Variants in ZBTB7C observed in about 807,000 individuals in gnomAD.
The protein encoded by ZBTB7C is zinc finger and BTB domain containing 7C.
ZBTB7C carries 8 observed loss-of-function variants against 25.7 expected under a neutral mutation model. That is an observed-to-expected ratio of 0.31 (90% CI 0.18 to 0.56). ZBTB7C has a LOEUF of 0.56. Ranked by LOEUF, ZBTB7C falls within the 20% of genes least tolerant of loss-of-function variation. ZBTB7C has a pLI of 0.91. For synonymous variants in ZBTB7C, 394 were observed against 369.0 expected (o/e 1.07, Z -0.78); for missense variants, 824 against 855.2 (o/e 0.96, Z 0.46).
intron 4 of ZBTB7C, among the ~76,000 whole-genome samples, chr18:48,035,983 G>A (rs747668380): frequency 1.1e-4 from 17 of 152,356 alleles, no homozygotes; most frequent in African/African-American, 3.8e-4. Context: ...GGAGGAAAAC[G>A]GTGTCTTTGA....
At chr18:48,176,944 C>A (rs904851599) in intron 3 of ZBTB7C, among the ~76,000 whole-genome samples, 1 of 152,222 alleles carries the variant, frequency 6.6e-6, no homozygotes, top group African/African-American at 2.4e-5. Flanking sequence ...TGACCTCTCG[C>A]GTCTCTGCTC....
chr18:48,095,718 T>TAAATA (rs74172091), intron 3 of ZBTB7C, among the ~76,000 whole-genome samples: 41,121 of 132,672 alleles, frequency 0.31, 6,008 homozygotes, highest in Admixed American at 0.35. Flanking sequence ...TCTCAAAAAA[T>TAAATA]AAATAAAATA....
At chr18:48,287,036 C>T (rs1429047715) in intron 2 of ZBTB7C, among the ~76,000 whole-genome samples, 1 of 152,030 alleles carries the variant, frequency 6.6e-6, no homozygotes, top group East Asian at 1.9e-4. Flanking sequence ...AAAAACTGAC[C>T]AGAAGATATA....
At chr18:48,393,887 C>T (rs978303422) in intron 1 of ZBTB7C, among the ~76,000 whole-genome samples, 2 of 152,132 alleles carry the variant, frequency 1.3e-5, no homozygotes, top group Non-Finnish European at 2.9e-5. Flanking sequence ...GCCTAATCTT[C>T]AAGGTGCCTT....
chr18:48,140,600 C>T (rs1468903400), intron 3 of ZBTB7C, among the ~76,000 whole-genome samples: 1 of 152,124 alleles, frequency 6.6e-6, no homozygotes, highest in Non-Finnish European at 1.5e-5. Context: ...TCAGTTTATC[C>T]ATCTGAACAA....
chr18:48,141,966 T>C (rs1296601124), intron 3 of ZBTB7C, among the ~76,000 whole-genome samples: 1 of 152,254 alleles, frequency 6.6e-6, no homozygotes, highest in African/African-American at 2.4e-5. Context: ...TAAATGCCAA[T>C]TTGAAATAAT....
At chr18:48,064,820 G>A (rs1484071233) in intron 3 of ZBTB7C, among the ~76,000 whole-genome samples, 1 of 152,178 alleles carries the variant, frequency 6.6e-6, no homozygotes, top group Non-Finnish European at 1.5e-5. Context: ...GGAGGAGTAG[G>A]ATGCAGGCTG....
intron 2 of ZBTB7C, among the ~76,000 whole-genome samples, chr18:48,290,348 G>C (rs1598793148): frequency 6.6e-6 from 1 of 152,224 alleles, no homozygotes; most frequent in African/African-American, 2.4e-5. Context: ...TACTAGAAGG[G>C]CTCCCTTTCA....
chr18:48,137,700 C>T (rs1326632706), intron 3 of ZBTB7C, among the ~76,000 whole-genome samples: 2 of 152,200 alleles, frequency 1.3e-5, no homozygotes, highest in South Asian at 2.1e-4. Context: ...ACTGCAGCTC[C>T]CTCCTCCGTT....
Position 48,218,827 on chromosome 18 carries a change from A to G in ZBTB7C, c.-78-32832T>C, listed in dbSNP as rs1031922159. On this transcript the variant is annotated intron_variant, in intron 2 of 4. Transcript: ENST00000590800. ...ACAGCTCCATCCACCACTAGCCCTCAGGGCTGCCTAGGCAGTAAGAGCCTA... is the reference window on the plus strand; with the variant it reads ...ACAGCTCCATCCACCACTAGCCCTCGGGGCTGCCTAGGCAGTAAGAGCCTA... Among the ~76,000 whole-genome samples the G allele has an allele frequency of 5.3e-5, 8 of 152,130 alleles. No individual in the cohort carries two copies. The East Asian group carries it at 1.4e-3, about 26-fold the overall frequency.
intron 3 of ZBTB7C, among the ~76,000 whole-genome samples, chr18:48,160,726 A>G (rs552757964): frequency 2.2e-4 from 34 of 152,194 alleles, no homozygotes; most frequent in African/African-American, 7.2e-4. Context: ...GCTACCTGAA[A>G]ATGTAAGAAC....
intron 3 of ZBTB7C, among the ~76,000 whole-genome samples, chr18:48,122,369 A>T (rs1191042233): frequency 1.3e-5 from 2 of 152,138 alleles, no homozygotes; most frequent in Non-Finnish European, 2.9e-5. Flanking sequence ...CTCTTTTGTT[A>T]TGAAAATGTA....
chr18:48,404,254 C>CA (rs34941038), intron 1 of ZBTB7C, among the ~76,000 whole-genome samples: 10 of 147,488 alleles, frequency 6.8e-5, no homozygotes, highest in South Asian at 4.3e-4. Flanking sequence ...GACTCCATCT[C>CA]AAAAAAAAAA....
chr18:48,170,490 A>G (rs2041434906), intron 3 of ZBTB7C, among the ~76,000 whole-genome samples: 1 of 152,220 alleles, frequency 6.6e-6, no homozygotes, highest in Non-Finnish European at 1.5e-5. Flanking sequence ...ATGAACACAA[A>G]GAAAGTTCCC....
chr18:48,355,218 T>G lies in ZBTB7C; in HGVS notation c.-303-16820A>C, dbSNP rs192967700. ...TTGAACAAAAGGAAATAATCTTTCA[T>G]TGTGAAATTTCAAGGACTGTGGGGG... On this transcript the variant is annotated intron_variant, in intron 1 of 4. Coordinates refer to ENST00000590800, the MANE Select transcript of ZBTB7C (RefSeq NM_001318841.2). Among the ~76,000 whole-genome samples, 5 of 152,290 alleles carry G rather than the reference T, an allele frequency of 3.3e-5. No individual in the cohort carries two copies. In the East Asian group the frequency reaches 9.6e-4, roughly 29 times the overall value.
At chr18:48,107,574 G>A (rs1282843767) in intron 3 of ZBTB7C, among the ~76,000 whole-genome samples, 1 of 152,100 alleles carries the variant, frequency 6.6e-6, no homozygotes, top group Admixed American at 6.5e-5. Context: ...TGTTTCTGGT[G>A]ATAAGAAAGT....
At chr18:48,199,618 T>C (rs1334707924) in intron 2 of ZBTB7C, among the ~76,000 whole-genome samples, 3 of 152,198 alleles carry the variant, frequency 2.0e-5, no homozygotes, top group Middle Eastern at 3.4e-3. Context: ...TGTTGTATAA[T>C]TGTTTCCTTT....
chr18:48,125,064 C>G (rs2039756335), intron 3 of ZBTB7C, among the ~76,000 whole-genome samples: 1 of 152,212 alleles, frequency 6.6e-6, no homozygotes, highest in African/African-American at 2.4e-5. Flanking sequence ...TGCATGGGAG[C>G]TCTGAGTCAA....
At position 48,039,893 on chromosome 18, in the gene ZBTB7C, T is replaced by C. The variant is rs1314659660; in HGVS notation, c.1208+7A>G. The C allele has an allele frequency of 6.2e-7, 1 of 1,610,560 alleles. No homozygotes were observed. Among genetic ancestry groups the C allele is most frequent in the Non-Finnish European group, 8.5e-7 (1 of 1,179,976 alleles). ...CGTGCCCCACACCCGAGGGCTGCCATGCGCACCTGGTGAAGCGGACCTCGC... is the reference window on the plus strand; with the variant it reads ...CGTGCCCCACACCCGAGGGCTGCCACGCGCACCTGGTGAAGCGGACCTCGC... On this transcript the variant is annotated splice_region_variant and intron_variant, in intron 4 of 4. Transcript: ENST00000590800.
Sources: allele counts gnomAD v4.1 joint callset (sites outside exome capture counted in the v4.1 genomes callset), GRCh38; gene constraint gnomAD v4.1.1; transcripts MANE v1.5; gene names NCBI Gene and HGNC (gene_info 2026-07-23, HGNC 2026-07-21).